INSL6: variants seen among roughly 807,000 people sequenced by gnomAD.
The protein encoded by INSL6 is insulin like 6.
A neutral mutation model predicts 9.4 loss-of-function variants in INSL6; 16 were observed. The observed-to-expected ratio is 1.70, with a 90% CI of 1.15 to 2.59. The LOEUF (loss-of-function observed/expected upper bound fraction) is 2.59. Among genes scored for constraint, INSL6 ranks in the 30% most tolerant of loss-of-function variants. INSL6 has a pLI of 0.00. For missense variants in INSL6, 391 were observed against 257.3 expected, an observed-to-expected ratio of 1.52 and a Z score of -3.56; for synonymous variants, 154 against 96.9, an observed-to-expected ratio of 1.59 and a Z score of -3.46.
At chr9:5,158,656 G>A (rs979675193) in intron 2 of INSL6, among the ~76,000 whole-genome samples, 3 of 151,604 alleles carry the variant, frequency 2.0e-5, no homozygotes, top group African/African-American at 4.8e-5. Flanking sequence ...GAAACATGAA[G>A]GAGAAATACT....
the INSL6 span, among the ~76,000 whole-genome samples, chr9:5,090,231 A>G: frequency 1.3e-5 from 2 of 152,214 alleles, no homozygotes; most frequent in East Asian, 3.8e-4. Flanking sequence ...GTTATAGAAA[A>G]CTGAAACGCA....
the INSL6 span, among the ~76,000 whole-genome samples, chr9:5,045,748 T>C: frequency 1.3e-5 from 2 of 152,212 alleles, no homozygotes; most frequent in Non-Finnish European, 2.9e-5. Flanking sequence ...TGCCAGAATT[T>C]CTTTCCTTTT....
the INSL6 span, among the ~76,000 whole-genome samples, chr9:5,008,559 A>G: frequency 2.0e-5 from 3 of 152,298 alleles, no homozygotes; most frequent in African/African-American, 7.2e-5. Context: ...GTATGAATCT[A>G]AAGAGGGACC....
the INSL6 span, among the ~76,000 whole-genome samples, chr9:5,096,409 G>C: frequency 5.3e-5 from 8 of 152,136 alleles, no homozygotes; most frequent in African/African-American, 1.9e-4. Flanking sequence ...CTAAGTCCTT[G>C]CTAGATCGGT....
chr9:5,007,490 C>CT, the INSL6 span, among the ~76,000 whole-genome samples: 1 of 152,000 alleles, frequency 6.6e-6, no homozygotes, highest in Admixed American at 6.5e-5. Flanking sequence ...AAATGCAGAA[C>CT]TTCACATTTT....
At chr9:5,106,858 T>C in the INSL6 span, among the ~76,000 whole-genome samples, 3 of 152,152 alleles carry the variant, frequency 2.0e-5, no homozygotes, top group East Asian at 1.9e-4. Flanking sequence ...ATGAGAACAC[T>C]TGGACACATG....
the INSL6 span, among the ~76,000 whole-genome samples, chr9:5,076,589 G>C: frequency 2.0e-5 from 3 of 152,022 alleles, no homozygotes; most frequent in African/African-American, 7.2e-5. Context: ...GTATATACAA[G>C]TTTTATATGC....
At chr9:5,148,278 C>T (rs10118930) in intron 2 of INSL6, among the ~76,000 whole-genome samples, 60,960 of 151,918 alleles carry the variant, frequency 0.4, 14,433 homozygotes, top group African/African-American at 0.67. Flanking sequence ...CACATGGTTA[C>T]GTAGAGAGGA....
chr9:5,128,089 T>TAC lies in INSL6; in HGVS notation c.*11-3579_*11-3578insGT, dbSNP rs1824119922. ...TAAAATATGGTGGGTTTTGTGTGTG[T>TAC]GTGTGTGTGTGTGTGTGTGTGTGTG... On this transcript the variant is annotated intron_variant, in intron 3 of 3. Coordinates refer to the INSL6 transcript ENST00000649639. The TAC allele has an allele frequency of 2.0e-5, 4 of 198,862 alleles. No individual in the cohort carries two copies. The East Asian group carries it at 3.0e-4, about 15-fold the overall frequency. The allele number at this position is 198,862 out of a possible 1,614,324, so 12.3% of individuals were successfully genotyped here. A position where few individuals can be genotyped will look rare whatever the true frequency, so the allele number is the denominator to read the frequency against.
At chr9:5,058,082 C>G in the INSL6 span, among the ~76,000 whole-genome samples, 10 of 152,134 alleles carry the variant, frequency 6.6e-5, no homozygotes, top group African/African-American at 2.4e-4. Flanking sequence ...TTTGTTCATT[C>G]ATCCATCAAT....
At chr9:5,048,302 C>A in the INSL6 span, among the ~76,000 whole-genome samples, 1 of 151,868 alleles carries the variant, frequency 6.6e-6, no homozygotes, top group Non-Finnish European at 1.5e-5. Flanking sequence ...CCACTACGCC[C>A]GGCTAATTTT....
chr9:5,144,328 G>A (rs1296628241), intron 2 of INSL6, among the ~76,000 whole-genome samples: 1 of 152,160 alleles, frequency 6.6e-6, no homozygotes, highest in African/African-American at 2.4e-5. Flanking sequence ...GAATTTCTTA[G>A]TAGTGATTTC....
chr9:5,179,122 A>G (rs1825385525), intron 1 of INSL6, among the ~76,000 whole-genome samples: 1 of 152,162 alleles, frequency 6.6e-6, no homozygotes, highest in Non-Finnish European at 1.5e-5. Context: ...TCCATCTGAC[A>G]AAGCTCTAAT....
Position 5,185,345 on chromosome 9 carries a change from A to C in INSL6, c.258T>G (p.Ala86=). ...SPYQFESPQT[A]SPARGRGTNP... The stretch of plus-strand genomic sequence containing the variant: ...TTGTGCCTCTTCCCCGGGCCGGGGA[A>C]GCGGTTTGCGGGCTTTCGAACTGGT... Residue 86 remains alanine (A), a synonymous_variant, in exon 1 of 2, where the codon GCT becomes GCG. Transcript: ENST00000381641. The C allele has an allele frequency of 6.2e-7, 1 of 1,614,058 alleles. No homozygotes were observed. Among genetic ancestry groups the C allele is most frequent in the Non-Finnish European group, 8.5e-7 (1 of 1,179,990 alleles).
At chr9:5,022,142 C>G in the INSL6 span, 1 of 1,614,078 alleles carries the variant, frequency 6.2e-7, no homozygotes, top group East Asian at 2.2e-5. Flanking sequence ...AAATCTGAGG[C>G]AGATTATCTG....
At chr9:5,115,466 G>C in the INSL6 span, among the ~76,000 whole-genome samples, 3 of 152,210 alleles carry the variant, frequency 2.0e-5, no homozygotes, top group Admixed American at 1.3e-4. Flanking sequence ...GTTGATGGGA[G>C]TGTAAATTAG....
chr9:5,178,413 T>C (rs1825367352), intron 1 of INSL6, among the ~76,000 whole-genome samples: 1 of 152,226 alleles, frequency 6.6e-6, no homozygotes, highest in Admixed American at 6.5e-5. Context: ...TGGCAGATTG[T>C]GGCCAGACTG....
At chr9:5,112,590 C>T in the INSL6 span, 1 of 744,408 alleles carries the variant, frequency 1.3e-6, no homozygotes, top group Non-Finnish European at 2.2e-6. Context: ...CTTAAGAGGG[C>T]TCTTAAGGAG....
chr9:5,174,547 C>G (rs1412293021), intron 1 of INSL6, among the ~76,000 whole-genome samples: 1 of 152,124 alleles, frequency 6.6e-6, no homozygotes, highest in African/African-American at 2.4e-5. Context: ...TTTACAAGTT[C>G]TCACTCCCCA....
Sources: allele counts gnomAD v4.1 joint callset (sites outside exome capture counted in the v4.1 genomes callset), GRCh38; gene constraint gnomAD v4.1.1; transcripts MANE v1.5; gene names NCBI Gene and HGNC (gene_info 2026-07-23, HGNC 2026-07-21).